Variants in DMD observed in about 807,000 individuals in gnomAD.
DMD encodes mutant dystrophin.
A neutral mutation model predicts 330.1 loss-of-function variants in DMD; 63 were observed. That is an observed-to-expected ratio of 0.19 (90% CI 0.16 to 0.24). The LOEUF (loss-of-function observed/expected upper bound fraction) is 0.24. Among genes scored for constraint, DMD ranks in the 10% least tolerant of loss-of-function variants. The pLI, the probability that DMD is intolerant of heterozygous loss-of-function variation, is 1.00. For missense variants in DMD, 3,344 were observed against 2,684.1 expected, an observed-to-expected ratio of 1.25 and a Z score of -5.43; for synonymous variants, 1,223 against 959.8, an observed-to-expected ratio of 1.27 and a Z score of -5.07.
chrX:32,879,021 A>AAAAAAAAACAAACAAACAAAC (rs1352069437), intron 2 of DMD, among the ~76,000 whole-genome samples: 18 of 101,792 alleles, frequency 1.8e-4, no homozygotes, highest in African/African-American at 6.4e-4. Context: ...AAAAAAACAA[A>AAAAAAAAACAAACAAACAAAC]AAACAAAAAA....
At chrX:31,395,352 T>C (rs1175186429) in intron 60 of DMD, among the ~76,000 whole-genome samples, 1 of 112,513 alleles carries the variant, frequency 8.9e-6, no homozygotes, top group Non-Finnish European at 1.9e-5. Flanking sequence ...ACTTCGTTCA[T>C]TTCTATGAGT....
intron 1 of DMD, among the ~76,000 whole-genome samples, chrX:33,252,960 C>A (rs964106725): frequency 1.8e-5 from 2 of 111,567 alleles, no homozygotes; most frequent in African/African-American, 6.5e-5. Context: ...GCCAATAATA[C>A]TTTCTGTTAT....
chrX:32,280,567 T>C (rs1022632506), intron 43 of DMD, among the ~76,000 whole-genome samples: 1 of 111,076 alleles, frequency 9.0e-6, no homozygotes. Flanking sequence ...TGATAATCCT[T>C]CGTGAGTTGT....
At chrX:31,763,853 T>A (rs12007004) in intron 51 of DMD, among the ~76,000 whole-genome samples, 32,954 of 103,921 alleles carry the variant, frequency 0.32, 3,956 homozygotes, top group African/African-American at 0.45. Flanking sequence ...TCCTCATTTT[T>A]ATTTATTTAT....
intron 9 of DMD, among the ~76,000 whole-genome samples, chrX:32,649,551 G>C (rs961037006): frequency 1.4e-5 from 1 of 69,213 alleles, no homozygotes; most frequent in African/African-American, 1.0e-4. Flanking sequence ...GCAAGACTCC[G>C]TCTCTTTTAA....
intron 63 of DMD, among the ~76,000 whole-genome samples, chrX:31,238,994 C>T (rs1434026014): frequency 1.8e-5 from 2 of 112,060 alleles, no homozygotes; most frequent in Non-Finnish European, 3.8e-5. Flanking sequence ...GAGTTTCTAC[C>T]ATTTTTCCTA....
At chrX:32,556,482 A>T (rs1283117138) in intron 16 of DMD, among the ~76,000 whole-genome samples, 1 of 111,731 alleles carries the variant, frequency 9.0e-6, no homozygotes, top group South Asian at 3.8e-4. Context: ...CCAAATATAA[A>T]TCATTCTATT....
intron 44 of DMD, among the ~76,000 whole-genome samples, chrX:32,014,982 C>A (rs576605158): frequency 8.9e-6 from 1 of 112,179 alleles, no homozygotes; most frequent in African/African-American, 3.2e-5. Context: ...TCTTAACACC[C>A]TTGTGATTTG....
intron 9 of DMD, among the ~76,000 whole-genome samples, chrX:32,649,713 T>G (rs147739024): frequency 0.01 from 1,106 of 110,505 alleles, 20 homozygotes; most frequent in African/African-American, 0.035. Flanking sequence ...TTTCTACTCG[T>G]AGAATTTCTC....
intron 62 of DMD, among the ~76,000 whole-genome samples, chrX:31,287,813 G>A (rs1274367454): frequency 2.7e-5 from 3 of 111,277 alleles, no homozygotes; most frequent in Non-Finnish European, 3.8e-5. Flanking sequence ...CTTCAATTAC[G>A]TGTACAGCAA....
At chrX:32,777,860 C>T (rs1023116521) in intron 7 of DMD, among the ~76,000 whole-genome samples, 1 of 112,076 alleles carries the variant, frequency 8.9e-6, no homozygotes, top group Non-Finnish European at 1.9e-5. Context: ...ATTCTTATGC[C>T]CTGTGCACAT....
intron 47 of DMD, among the ~76,000 whole-genome samples, chrX:31,877,120 C>T (rs2093980016): frequency 9.0e-6 from 1 of 111,678 alleles, no homozygotes; most frequent in Non-Finnish European, 1.9e-5. Flanking sequence ...AGAAAAAAAT[C>T]AATTAATGTA....
rs188267958 is a variant in DMD at position 32,529,353 on chromosome X, G to A, written c.2169-11222C>T. On this transcript the variant is annotated intron_variant, in intron 17 of 78. Coordinates refer to ENST00000357033, the MANE Select transcript of DMD (RefSeq NM_004006.3). ...CTTCCTGAGGCTGTGTCACAGGCGC[G>A]CGAATTCCACCTTGGCAAAAATCAA... Among the ~76,000 whole-genome samples, 696 of 100,699 alleles carry A rather than the reference G, an allele frequency of 6.9e-3. 7 individuals carry two copies. Among genetic ancestry groups the A allele is most frequent in the African/African-American group, 0.025 (671 of 26,969 alleles). The allele number at this position is 100,699 out of a possible 115,157, so 87.4% of individuals were successfully genotyped here. A position where few individuals can be genotyped will look rare whatever the true frequency, so the allele number is the denominator to read the frequency against.
At chrX:32,658,692 T>TA (rs1260859602) in intron 9 of DMD, among the ~76,000 whole-genome samples, 32 of 110,851 alleles carry the variant, frequency 2.9e-4, no homozygotes, top group African/African-American at 1.0e-3. Flanking sequence ...CCCACTCTAT[T>TA]GCATGTCCAA....
intron 51 of DMD, among the ~76,000 whole-genome samples, chrX:31,772,055 T>G (rs952228646): frequency 1.8e-5 from 2 of 112,196 alleles, no homozygotes; most frequent in Admixed American, 9.4e-5. Flanking sequence ...AAACAAGCTC[T>G]CATTTCCATA....
intron 44 of DMD, among the ~76,000 whole-genome samples, chrX:31,981,679 G>C (rs2095476950): frequency 9.0e-6 from 1 of 111,455 alleles, no homozygotes; most frequent in Admixed American, 9.6e-5. Context: ...GCAGTGTGCA[G>C]CTCCTTTTGC....
intron 44 of DMD, among the ~76,000 whole-genome samples, chrX:32,165,008 G>A (rs913701897): frequency 2.7e-5 from 3 of 112,475 alleles, no homozygotes; most frequent in Non-Finnish European, 5.6e-5. Flanking sequence ...AGATTTCAGA[G>A]GATGTATGGA....
rs1285964683 is a variant in DMD at position 31,432,276 on chromosome X, T to C, written c.9084+12205A>G. ...GTATTTATTGGGAACCCATTAGATG[T>C]GTAATATAATCAAATATCAATAGAT... On this transcript the variant is annotated intron_variant, in intron 60 of 78. Coordinates refer to ENST00000357033, the MANE Select transcript of DMD (RefSeq NM_004006.3). Among the ~76,000 whole-genome samples the C allele has an allele frequency of 8.0e-5, 9 of 111,886 alleles. No homozygotes were observed. In the Admixed American group the frequency reaches 8.5e-4, roughly 11 times the overall value.
intron 44 of DMD, among the ~76,000 whole-genome samples, chrX:32,014,947 A>G (rs73451835): frequency 0.059 from 6,600 of 112,159 alleles, 406 homozygotes; most frequent in African/African-American, 0.18. Context: ...TCTGAGGCAC[A>G]TTCTCCTTTT....
Sources: allele counts gnomAD v4.1 joint callset (sites outside exome capture counted in the v4.1 genomes callset), GRCh38; gene constraint gnomAD v4.1.1; transcripts MANE v1.5; gene names NCBI Gene and HGNC (gene_info 2026-07-23, HGNC 2026-07-21).